The following MAD1L1 variants were observed in gnomAD, a reference collection of about 807,000 sequenced individuals.
The protein encoded by MAD1L1 is mitotic spindle assembly checkpoint protein MAD1.
Under a neutral mutation model 96.9 loss-of-function variants are expected in MAD1L1, and 95 were observed. The ratio of observed to expected loss-of-function variants is 0.98; its 90% CI spans 0.83 to 1.16. MAD1L1 has a LOEUF of 1.16. Among genes scored for constraint, MAD1L1 ranks in the 50% most tolerant of loss-of-function variants. The probability of loss-of-function intolerance (pLI) is 0.00; values close to 1 mark genes in which losing one functional copy is unlikely to be tolerated. For synonymous variants in MAD1L1, 473 were observed against 396.6 expected (o/e 1.19, Z -2.29); for missense variants, 1,007 against 954.4 (o/e 1.06, Z -0.73).
At chr7:1,926,111 G>A (rs1789074093) in intron 17 of MAD1L1, among the ~76,000 whole-genome samples, 2 of 152,148 alleles carry the variant, frequency 1.3e-5, no homozygotes, top group Admixed American at 1.3e-4. Flanking sequence ...TAAAATCAGC[G>A]AGGCAAGAGC....
chr7:1,966,373 G>A (rs536862976), intron 15 of MAD1L1, among the ~76,000 whole-genome samples: 2 of 152,244 alleles, frequency 1.3e-5, no homozygotes, highest in Admixed American at 6.5e-5. Context: ...TCCAGCTGCT[G>A]GGGCTGAGGA....
chr7:2,080,018 A>G (rs1053218079), intron 11 of MAD1L1: 7 of 303,024 alleles, frequency 2.3e-5, no homozygotes, highest in African/African-American at 1.3e-4. Context: ...GCGTCCGTCA[A>G]CCCTGTCAGC....
At chr7:2,069,033 ACT>A (rs1277239795) in intron 12 of MAD1L1, among the ~76,000 whole-genome samples, 159 bp downstream of exon 12, 1 of 152,140 alleles carries the variant, frequency 6.6e-6, no homozygotes, top group African/African-American at 2.4e-5. Context: ...GGGGCTGAGC[ACT>A]CTCTGGCATT....
chr7:1,842,485 G>A (rs114194936), intron 18 of MAD1L1, among the ~76,000 whole-genome samples: 313 of 152,384 alleles, frequency 2.1e-3, no homozygotes, highest in African/African-American at 7.1e-3. Context: ...TCCACAGGCC[G>A]CCAGAATCCC....
At chr7:1,971,086 G>A (rs903937569) in intron 15 of MAD1L1, among the ~76,000 whole-genome samples, 5 of 151,874 alleles carry the variant, frequency 3.3e-5, no homozygotes, top group South Asian at 2.1e-4. Context: ...TTCGGTGTGC[G>A]AGTTCCACCT....
In MAD1L1 at chr7:1,855,822, C is replaced by T. The variant is rs189905455; in HGVS notation, c.1999-39594G>A. On this transcript the variant is annotated intron_variant, in intron 18 of 18. Coordinates refer to ENST00000265854, the MANE Select transcript of MAD1L1 (RefSeq NM_001013836.2). Reference sequence around the variant, plus strand: ...CACTCCCCAGCTCCAGAGAGGCTTTCGGGGTCTGTTACAGCTGCACCCCAC... The same window carrying T: ...CACTCCCCAGCTCCAGAGAGGCTTTTGGGGTCTGTTACAGCTGCACCCCAC... Among the ~76,000 whole-genome samples the T allele has an allele frequency of 4.4e-3, 663 of 152,228 alleles. 4 individuals carry two copies. Among genetic ancestry groups the T allele is most frequent in the African/African-American group, 0.015 (629 of 41,480 alleles).
At chr7:2,121,507 T>G (rs1787979747) in intron 11 of MAD1L1, among the ~76,000 whole-genome samples, 1 of 152,196 alleles carries the variant, frequency 6.6e-6, no homozygotes, top group Non-Finnish European at 1.5e-5. Context: ...AGGTGCTCAC[T>G]GACACTGTCC....
intron 12 of MAD1L1, among the ~76,000 whole-genome samples, chr7:2,056,000 T>TA (rs1562644015): frequency 6.6e-6 from 1 of 151,964 alleles, no homozygotes; most frequent in African/African-American, 2.4e-5. Flanking sequence ...AATAAATAAA[T>TA]AAAAAACACA....
intron 13 of MAD1L1, among the ~76,000 whole-genome samples, chr7:2,009,493 G>A (rs1782193830): frequency 1.3e-5 from 2 of 152,222 alleles, no homozygotes; most frequent in Admixed American, 1.3e-4. Flanking sequence ...AGTGGCTTGT[G>A]ACACAACGTG....
chr7:2,046,309 C>T (rs1783917764), intron 12 of MAD1L1, among the ~76,000 whole-genome samples: 1 of 152,094 alleles, frequency 6.6e-6, no homozygotes, highest in African/African-American at 2.4e-5. Flanking sequence ...CACAGAAATA[C>T]AAGACCCCTT....
At chr7:1,990,232 T>C (rs58120505) in intron 14 of MAD1L1, among the ~76,000 whole-genome samples, 56,786 of 152,076 alleles carry the variant, frequency 0.37, 11,567 homozygotes, top group East Asian at 0.57. Flanking sequence ...AGGTGAGGGC[T>C]CACATCCCAG....
Position 2,230,095 on chromosome 7 carries a change from G to C in MAD1L1, c.39C>G (p.Thr13=). 1.2e-6 allele frequency: 2 copies of C among 1,608,426 alleles called. No individual in the cohort carries two copies. Residue 13 remains threonine, a synonymous_variant, in exon 3 of 19, where the codon ACC becomes ACG. Coordinates refer to ENST00000265854, the MANE Select transcript of MAD1L1 (RefSeq NM_001013836.2). The part of the protein sequence containing the change: ...DLGENTMVLS[T]LRSLNNFISQ... ...AGATGAAGTTGTTCAAAGATCTCAG[G>C]GTGGATAAAACCATGGTGTTTTCCC... is the stretch of plus-strand genomic sequence containing the variant.
At chr7:2,107,002 T>TTCTCACAGGGCCC (rs1426445689) in intron 11 of MAD1L1, among the ~76,000 whole-genome samples, 1 of 151,850 alleles carries the variant, frequency 6.6e-6, no homozygotes, top group African/African-American at 2.4e-5. Flanking sequence ...ACGCCGTGTG[T>TTCTCACAGGGCCC]TCTCACAGGG....
chr7:2,060,044 G>A (rs374591107), intron 12 of MAD1L1, among the ~76,000 whole-genome samples: 79 of 152,108 alleles, frequency 5.2e-4, no homozygotes, highest in Middle Eastern at 3.4e-3. Context: ...CGCCGATGCC[G>A]AGATACACCG....
chr7:2,195,746 G>C lies in MAD1L1; in HGVS notation c.986+17466C>G, dbSNP rs1215282870. On this transcript the variant is annotated intron_variant, in intron 10 of 18. Coordinates refer to ENST00000265854, the MANE Select transcript of MAD1L1 (RefSeq NM_001013836.2). ...ATTACTGCTCTTACTCTACCTTGCA[G>C]AGAGCCTCCTCCCACTGAAAACCAA... Among the ~76,000 whole-genome samples, 3 of 152,364 alleles carry C rather than the reference G, an allele frequency of 2.0e-5. No individual in the cohort carries two copies. In the East Asian group the frequency reaches 5.8e-4, roughly 29 times the overall value.
chr7:2,054,879 C>A (rs572650162), intron 12 of MAD1L1, among the ~76,000 whole-genome samples: 2 of 152,220 alleles, frequency 1.3e-5, no homozygotes, highest in Non-Finnish European at 2.9e-5. Flanking sequence ...GATGGGAGAG[C>A]GGGGAACACA....
At chr7:2,060,166 G>C (rs1302608802) in intron 12 of MAD1L1, among the ~76,000 whole-genome samples, 2 of 148,108 alleles carry the variant, frequency 1.4e-5, no homozygotes, top group Non-Finnish European at 3.0e-5. Flanking sequence ...CCGAAGCCGA[G>C]ATACGCCGAT....
chr7:2,126,919 T>C (rs1788259732), intron 11 of MAD1L1, among the ~76,000 whole-genome samples: 1 of 152,188 alleles, frequency 6.6e-6, no homozygotes, highest in Non-Finnish European at 1.5e-5. Flanking sequence ...AATGCTTCTA[T>C]GTATCCAGTA....
At chr7:2,131,070 G>C (rs1467824070) in intron 11 of MAD1L1, among the ~76,000 whole-genome samples, 2 of 152,184 alleles carry the variant, frequency 1.3e-5, no homozygotes, top group African/African-American at 2.4e-5. Context: ...ACTTGAATAA[G>C]CTCTCTTTAA....
Sources: allele counts gnomAD v4.1 joint callset (sites outside exome capture counted in the v4.1 genomes callset), GRCh38; gene constraint gnomAD v4.1.1; transcripts MANE v1.5; gene names NCBI Gene and HGNC (gene_info 2026-07-23, HGNC 2026-07-21).